The following UBQLN4 variants were observed in gnomAD, a reference collection of about 807,000 sequenced individuals.
UBQLN4 encodes the protein ubiquilin 4.
Under a neutral mutation model 60.4 loss-of-function variants are expected in UBQLN4, and 11 were observed. The observed-to-expected ratio is 0.18, with a 90% confidence interval of 0.11 to 0.30. The LOEUF (loss-of-function observed/expected upper bound fraction) is 0.30. Ranked by LOEUF, UBQLN4 falls within the 10% of genes least tolerant of loss-of-function variation. The pLI, the probability that UBQLN4 is intolerant of heterozygous loss-of-function variation, is 1.00. For missense variants in UBQLN4, 417 were observed against 795.5 expected (o/e 0.52, Z 5.72); for synonymous variants, 258 against 313.1 (o/e 0.82, Z 1.86).
intron 4 of UBQLN4, among the ~76,000 whole-genome samples, chr1:156,049,290 C>G (rs568248701): frequency 1.3e-5 from 2 of 152,140 alleles, no homozygotes; most frequent in African/African-American, 4.8e-5. Flanking sequence ...GGAAGGAAAG[C>G]GTTCAAGCTG....
At chr1:156,044,935 TC>T (rs1316307529) in intron 5 of UBQLN4, among the ~76,000 whole-genome samples, 5 of 151,988 alleles carry the variant, frequency 3.3e-5, no homozygotes, top group Admixed American at 2.6e-4. Context: ...TTACTTCTGG[TC>T]CCCCTTGCCC....
Position 156,035,475 on chromosome 1 carries a change from G to A in UBQLN4, c.*1503C>T. 1.0e-6 allele frequency: 1 copy of A among 985,206 alleles called. No homozygotes were observed. The highest frequency in any genetic ancestry group is 1.2e-6 in the Non-Finnish European group (1 of 829,820). 61.0% of individuals were successfully genotyped at this position (985,206 alleles called of 1,614,324 possible). A position where few individuals can be genotyped will look rare whatever the true frequency, so the allele number is the denominator to read the frequency against. Reference sequence around the variant, plus strand: ...AGCCATGGGGTCGGTCCTCCAAGCAGCTGGGCCAAGTAGGAGAGGGAAGAG... The same window carrying A: ...AGCCATGGGGTCGGTCCTCCAAGCAACTGGGCCAAGTAGGAGAGGGAAGAG... On this transcript the variant is annotated 3_prime_UTR_variant, in exon 11 of 11. Transcript: ENST00000368309.
At chr1:156,041,432 C>A in intron 10 of UBQLN4, 53 bp downstream of exon 10, 2 of 1,467,608 alleles carry the variant, frequency 1.4e-6, no homozygotes, top group Non-Finnish European at 1.8e-6. Flanking sequence ...TCCCTTGAAA[C>A]CTCCCAGGAT....
At position 156,039,314 on chromosome 1, in the gene UBQLN4, G is replaced by A. The variant is rs544073118; in HGVS notation, c.1653+2171C>T. On this transcript the variant is annotated intron_variant, in intron 10 of 10. Coordinates refer to ENST00000368309, the MANE Select transcript of UBQLN4 (RefSeq NM_020131.5). ...TGCCCAGGCTGGAGTAAAATGGCACGATCTCAGCTCACTACAACCTCTGCC... is the reference window on the plus strand; with the variant it reads ...TGCCCAGGCTGGAGTAAAATGGCACAATCTCAGCTCACTACAACCTCTGCC... Among the ~76,000 whole-genome samples the A allele has an allele frequency of 2.1e-3, 293 of 141,202 alleles. 2 individuals carry two copies. The Middle Eastern group carries it at 0.037, about 18-fold the overall frequency. 92.6% of individuals were successfully genotyped at this position (141,202 alleles called of 152,430 possible).
At chr1:156,038,035 T>A (rs1037892403) in intron 10 of UBQLN4, among the ~76,000 whole-genome samples, 1 of 152,040 alleles carries the variant, frequency 6.6e-6, no homozygotes, top group Non-Finnish European at 1.5e-5. Context: ...GCCTCCTGAG[T>A]AGCTGGGGCT....
intron 10 of UBQLN4, among the ~76,000 whole-genome samples, chr1:156,038,753 T>C (rs1301154844): frequency 6.6e-6 from 1 of 151,588 alleles, no homozygotes; most frequent in Non-Finnish European, 1.5e-5. Flanking sequence ...GTGATCCTCC[T>C]GCCTTGGCCT....
At chr1:156,043,899 C>G in intron 6 of UBQLN4, 99 bp downstream of exon 6, 2 of 1,323,130 alleles carry the variant, frequency 1.5e-6, no homozygotes, top group Non-Finnish European at 2.1e-6. Context: ...AGTCTCACCT[C>G]TGTCTTCAAA....
In UBQLN4 at chr1:156,042,770, A is replaced by G. The variant is rs778385866; in HGVS notation, c.1266+4T>C. On this transcript the variant is annotated splice_donor_region_variant and intron_variant, in intron 7 of 10. Coordinates refer to ENST00000368309, the MANE Select transcript of UBQLN4 (RefSeq NM_020131.5). Reference sequence around the variant, plus strand: ...ACAATACTCTCCTCATGCTGGTTTCATACCTGAGCAGCAAAGTCGGGGTTC... The same window carrying G: ...ACAATACTCTCCTCATGCTGGTTTCGTACCTGAGCAGCAAAGTCGGGGTTC... The G allele has an allele frequency of 1.9e-6, 3 of 1,613,790 alleles. No homozygotes were observed. The highest frequency in any genetic ancestry group is 2.5e-6 in the Non-Finnish European group (3 of 1,179,958).
Position 156,041,602 on chromosome 1 carries a change from C to T in UBQLN4, c.1536G>A (p.Glu512=). 1 of 1,611,400 alleles carries T rather than the reference C, an allele frequency of 6.2e-7. No homozygotes were observed. Among genetic ancestry groups the T allele is most frequent in the Non-Finnish European group, 8.5e-7 (1 of 1,178,750 alleles). The part of the protein sequence containing the change: ...SAGSNAGSTP[E]APTSSPATPA... ...GCGTGGCTGGTGAGGAAGTGGGGGCCTCGGGCGTAGACCCTGCGTTGCTGC... is the reference window on the plus strand; with the variant it reads ...GCGTGGCTGGTGAGGAAGTGGGGGCTTCGGGCGTAGACCCTGCGTTGCTGC... The change falls in exon 10 of 11, where the codon GAG becomes GAA. Residue 512 remains glutamate (E), a synonymous_variant. Transcript: ENST00000368309.
chr1:156,052,242 T>C (rs886931538), intron 1 of UBQLN4, among the ~76,000 whole-genome samples: 3 of 152,256 alleles, frequency 2.0e-5, no homozygotes, highest in Admixed American at 1.3e-4. Context: ...CCCAGTATTC[T>C]CTTAACAACT....
intron 8 of UBQLN4, 82 bp from the exon 9 acceptor site, chr1:156,042,069 T>C (rs1683582509): frequency 1.2e-6 from 2 of 1,610,998 alleles, no homozygotes; most frequent in Admixed American, 1.7e-5. Flanking sequence ...AGAGTCAAGC[T>C]CTGCCCCAAC....
At chr1:156,052,485 C>G (rs926152273) in intron 1 of UBQLN4, among the ~76,000 whole-genome samples, 1 of 152,140 alleles carries the variant, frequency 6.6e-6, no homozygotes, top group East Asian at 1.9e-4. Context: ...CACCACCATG[C>G]CTGGCTAATT....
chr1:156,044,344 C>T, intron 5 of UBQLN4, 121 bp from the exon 6 acceptor site: 1 of 863,540 alleles, frequency 1.2e-6, no homozygotes, highest in Non-Finnish European at 1.8e-6. Context: ...AGATCTAAGA[C>T]CTTAGAGGTC....
intron 5 of UBQLN4, among the ~76,000 whole-genome samples, chr1:156,045,177 T>C (rs1348494474): frequency 2.0e-5 from 3 of 152,156 alleles, no homozygotes; most frequent in Non-Finnish European, 2.9e-5. Flanking sequence ...CTCCCCACCG[T>C]AGGGTTTCAT....
intron 10 of UBQLN4, 121 bp from the exon 11 acceptor site, chr1:156,037,251 G>A (rs918131947): frequency 5.0e-5 from 65 of 1,290,764 alleles, no homozygotes; most frequent in Non-Finnish European, 6.3e-5. Context: ...AGGAGGGCAG[G>A]GAAGATGAGC....
rs1311790289 is a variant in UBQLN4 at position 156,053,772 on chromosome 1, G to A, written c.-71C>T. On this transcript the variant is annotated 5_prime_UTR_variant, in exon 1 of 11. Coordinates refer to ENST00000368309, the MANE Select transcript of UBQLN4 (RefSeq NM_020131.5). ...TCCTCCCCGCCCGCCCGGCCGGCCC[G>A]GCTCGGCTTCTGCGCCTCCAACACT... 1.1e-5 allele frequency: 11 copies of A among 1,023,512 alleles called. No individual in the cohort carries two copies. Among genetic ancestry groups the A allele is most frequent in the African/African-American group, 6.9e-5 (4 of 57,694 alleles). The allele number at this position is 1,023,512 out of a possible 1,614,324, so 63.4% of individuals were successfully genotyped here. A position where few individuals can be genotyped will look rare whatever the true frequency, so the allele number is the denominator to read the frequency against.
At position 156,042,724 on chromosome 1, in the gene UBQLN4, C is replaced by A. The variant is rs776398355; in HGVS notation, c.1266+50G>T. The A allele has an allele frequency of 5.6e-6, 9 of 1,596,428 alleles. No individual in the cohort carries two copies. The South Asian group carries it at 8.9e-5, about 16-fold the overall frequency. ...TTTGACCACAAGAAACTGCCCCCAA[C>A]CAAGAGGAACTCTCTCCCCAACAAT... is the stretch of plus-strand genomic sequence containing the variant. On this transcript the variant is annotated intron_variant, in intron 7 of 10. Coordinates refer to ENST00000368309, the MANE Select transcript of UBQLN4 (RefSeq NM_020131.5).
chr1:156,052,932 T>G (rs971641771), intron 1 of UBQLN4, among the ~76,000 whole-genome samples: 3 of 152,176 alleles, frequency 2.0e-5, no homozygotes, highest in African/African-American at 7.2e-5. Flanking sequence ...AGTGCACTTG[T>G]TAAGCAGAGG....
intron 5 of UBQLN4, among the ~76,000 whole-genome samples, chr1:156,047,206 T>G (rs1342894516): frequency 6.6e-6 from 1 of 152,084 alleles, no homozygotes; most frequent in Non-Finnish European, 1.5e-5. Flanking sequence ...CATACTTTTT[T>G]GGAATACCCT....
Sources: gnomAD v4.1 joint callset for allele counts (sites outside exome capture counted in the v4.1 genomes callset) on GRCh38, gnomAD v4.1.1 for gene constraint, MANE v1.5 for transcripts, NCBI Gene and HGNC (gene_info 2026-07-23, HGNC 2026-07-21) for gene names.